Variants in MTMR7 observed in about 807,000 individuals in gnomAD.
MTMR7 encodes myotubularin related protein 7.
Under a neutral mutation model 81.2 loss-of-function variants are expected in MTMR7, and 76 were observed. The observed-to-expected ratio is 0.94, with a 90% CI of 0.78 to 1.13. MTMR7 has a LOEUF of 1.13. MTMR7 is among the 50% of genes most tolerant of loss of function. The pLI, the probability that MTMR7 is intolerant of heterozygous loss-of-function variation, is 0.00. For missense variants in MTMR7, 1,044 were observed against 820.0 expected (o/e 1.27, Z -3.34); for synonymous variants, 372 against 289.8 (o/e 1.28, Z -2.88).
In MTMR7 at chr8:17,333,426, TAAATA is replaced by T. The variant is rs576779148; in HGVS notation, c.733-2149_733-2145del. Among the ~76,000 whole-genome samples the T allele has an allele frequency of 3.2e-3, 487 of 152,328 alleles. 4 individuals carry two copies. Among genetic ancestry groups the T allele is most frequent in the African/African-American group, 0.011 (468 of 41,570 alleles). ...GGTTTATCCTTTATAACAAGCATCA[TAAATA>T]AAATTAATAGGAGATTTGAAAGTAT... On this transcript the variant is annotated intron_variant, in intron 6 of 13. Transcript: ENST00000180173.
At chr8:17,359,849 T>G (rs1161497708) in intron 4 of MTMR7, among the ~76,000 whole-genome samples, 1 of 152,140 alleles carries the variant, frequency 6.6e-6, no homozygotes, top group Non-Finnish European at 1.5e-5. Context: ...CATTCACAAT[T>G]GAGAATTCAT....
rs1816685449 is a variant in MTMR7, at chr8:17,296,851, AC to A, written c.*3010del. On this transcript the variant is annotated 3_prime_UTR_variant, in exon 14 of 14. Transcript: ENST00000180173. ...TTGAACTATCCCAGTTTCATTCTAT[AC>A]CATTCATTGGATAACCTTGTTACAA... is the stretch of plus-strand genomic sequence containing the variant. The A allele has an allele frequency of 6.6e-6, 1 of 152,186 alleles. No individual in the cohort carries two copies. The highest frequency in any genetic ancestry group is 1.5e-5 in the Non-Finnish European group (1 of 68,018). 9.4% of individuals were successfully genotyped at this position (152,186 alleles called of 1,614,324 possible).
intron 6 of MTMR7, among the ~76,000 whole-genome samples, chr8:17,335,566 C>T (rs1819211066): frequency 6.6e-6 from 1 of 152,134 alleles, no homozygotes; most frequent in South Asian, 2.1e-4. Context: ...TGGGAAATGA[C>T]CGTACAAGCT....
chr8:17,356,211 T>C (rs35275581), intron 4 of MTMR7, among the ~76,000 whole-genome samples: 46,069 of 152,012 alleles, frequency 0.3, 8,224 homozygotes, highest in East Asian at 0.71. Context: ...TTTTAGCAAT[T>C]TTTATCAGTA....
chr8:17,371,305 A>G (rs1820413954), intron 2 of MTMR7, 106 bp from the exon 3 acceptor site: 1 of 1,279,954 alleles, frequency 7.8e-7, no homozygotes, highest in Admixed American at 2.1e-5. Context: ...ACGCTCCCCA[A>G]CCTCCAGCTA....
chr8:17,300,791 C>T, intron 13 of MTMR7, among the ~76,000 whole-genome samples: 1 of 152,212 alleles, frequency 6.6e-6, no homozygotes. Context: ...CCCCACAGCC[C>T]CTGGCTACTA....
intron 7 of MTMR7, among the ~76,000 whole-genome samples, chr8:17,327,258 T>C (rs1332422637): frequency 6.6e-6 from 1 of 152,160 alleles, no homozygotes; most frequent in Non-Finnish European, 1.5e-5. Context: ...ACTATCAACA[T>C]AGGCATGTCT....
chr8:17,398,175 G>A (rs1585122140), intron 1 of MTMR7, among the ~76,000 whole-genome samples: 1 of 152,072 alleles, frequency 6.6e-6, no homozygotes. Flanking sequence ...GACCATCCAG[G>A]AAAACATGAC....
chr8:17,413,118 G>A, intron 1 of MTMR7, 151 bp downstream of exon 1: 5 of 868,920 alleles, frequency 5.8e-6, no homozygotes, highest in Non-Finnish European at 9.2e-6. Context: ...AGGCACCCCG[G>A]GATGCTCAGG....
intron 5 of MTMR7, among the ~76,000 whole-genome samples, chr8:17,345,542 C>A (rs1819530484): frequency 6.6e-6 from 1 of 152,236 alleles, no homozygotes; most frequent in Non-Finnish European, 1.5e-5. Context: ...TGCCCAGTGT[C>A]AAGTGCTGTG....
chr8:17,371,831 A>G (rs1322271391), intron 2 of MTMR7, among the ~76,000 whole-genome samples: 1 of 148,278 alleles, frequency 6.7e-6, no homozygotes, highest in Non-Finnish European at 1.5e-5. Context: ...GCTAATGAGC[A>G]TGGCCATCAC....
At chr8:17,398,609 A>G (rs146771662) in intron 1 of MTMR7, among the ~76,000 whole-genome samples, 83 of 152,324 alleles carry the variant, frequency 5.4e-4, no homozygotes, top group African/African-American at 1.7e-3. Flanking sequence ...AAGAGGAGGT[A>G]GAGAAAGAAA....
intron 6 of MTMR7, among the ~76,000 whole-genome samples, chr8:17,340,936 A>G (rs1819390581): frequency 6.6e-6 from 1 of 152,206 alleles, no homozygotes; most frequent in South Asian, 2.1e-4. Flanking sequence ...TCATAGGTAT[A>G]GATTACTACA....
chr8:17,355,358 T>G (rs1303261957), intron 4 of MTMR7, among the ~76,000 whole-genome samples: 1 of 152,122 alleles, frequency 6.6e-6, no homozygotes, highest in Non-Finnish European at 1.5e-5. Context: ...TAAATTTAAG[T>G]GTAATTAAGA....
At chr8:17,362,565 T>A (rs1225537025) in intron 3 of MTMR7, among the ~76,000 whole-genome samples, 2 of 151,926 alleles carry the variant, frequency 1.3e-5, no homozygotes, top group African/African-American at 4.8e-5. Flanking sequence ...TACCGGAGAG[T>A]CCAGGTTTAA....
At chr8:17,413,136 T>A in intron 1 of MTMR7, 133 bp downstream of exon 1, 2 of 1,038,812 alleles carry the variant, frequency 1.9e-6, no homozygotes, top group Non-Finnish European at 2.9e-6. Flanking sequence ...AGGCAATGCC[T>A]GCTCCTCCCT....
intron 1 of MTMR7, among the ~76,000 whole-genome samples, chr8:17,411,294 A>T (rs552892477): frequency 6.6e-6 from 1 of 152,322 alleles, no homozygotes; most frequent in East Asian, 1.9e-4. Flanking sequence ...AAGTCCTTCC[A>T]TGTTAAGACG....
rs1303187331 is a variant in MTMR7 at position 17,299,706 on chromosome 8, A to G, written c.*156T>C. ...CTACGTCCTCTTCAGTATCTAAGAAATCAAGAACTGGGCACTTTTTTCCCT... is the reference window on the plus strand; with the variant it reads ...CTACGTCCTCTTCAGTATCTAAGAAGTCAAGAACTGGGCACTTTTTTCCCT... On this transcript the variant is annotated 3_prime_UTR_variant, in exon 14 of 14. Coordinates refer to ENST00000180173, the MANE Select transcript of MTMR7 (RefSeq NM_004686.5). 5.2e-5 allele frequency: 50 copies of G among 969,538 alleles called. No homozygotes were observed. The highest frequency in any genetic ancestry group is 6.6e-4 in the Middle Eastern group (2 of 3,032). 60.1% of individuals were successfully genotyped at this position (969,538 alleles called of 1,614,324 possible). A position where few individuals can be genotyped will look rare whatever the true frequency, so the allele number is the denominator to read the frequency against.
intron 1 of MTMR7, among the ~76,000 whole-genome samples, chr8:17,408,552 A>G (rs1821658478): frequency 6.6e-6 from 1 of 152,194 alleles, no homozygotes; most frequent in South Asian, 2.1e-4. Context: ...TGAATCTGCT[A>G]TTAGGATCAA....
Sources: allele counts gnomAD v4.1 joint callset (sites outside exome capture counted in the v4.1 genomes callset), GRCh38; gene constraint gnomAD v4.1.1; transcripts MANE v1.5; gene names NCBI Gene and HGNC (gene_info 2026-07-23, HGNC 2026-07-21).